The following PTPRM variants were observed in gnomAD, a reference collection of about 807,000 sequenced individuals.
The protein encoded by PTPRM is protein tyrosine phosphatase receptor type M.
Under a neutral mutation model 186.7 loss-of-function variants are expected in PTPRM, and 47 were observed. That is an observed-to-expected ratio of 0.25 (90% CI 0.20 to 0.32). The LOEUF (loss-of-function observed/expected upper bound fraction) is 0.32, where lower values mean the gene tolerates loss of function less well. PTPRM is among the 10% of genes least tolerant of loss of function. The probability of loss-of-function intolerance (pLI) is 1.00; values close to 1 mark genes in which losing one functional copy is unlikely to be tolerated. For synonymous variants in PTPRM, 668 were observed against 674.9 expected, an observed-to-expected ratio of 0.99 and a Z score of 0.16; for missense variants, 1,494 against 1,865.0, an observed-to-expected ratio of 0.80 and a Z score of 3.66.
At chr18:7,973,279 T>C (rs1305665940) in intron 7 of PTPRM, among the ~76,000 whole-genome samples, 2 of 152,196 alleles carry the variant, frequency 1.3e-5, no homozygotes, top group Admixed American at 6.5e-5. Context: ...GCCAAAGATA[T>C]ATGCATTTAA....
At chr18:7,746,025 T>A (rs575189202) in intron 1 of PTPRM, among the ~76,000 whole-genome samples, 8 of 151,906 alleles carry the variant, frequency 5.3e-5, no homozygotes, top group African/African-American at 1.9e-4. Context: ...TAACCTAATA[T>A]GGAAATGGAG....
chr18:8,289,473 C>CATTTATGTATATATATACAT (rs2095001282), intron 19 of PTPRM, among the ~76,000 whole-genome samples: 1 of 112,610 alleles, frequency 8.9e-6, no homozygotes, highest in African/African-American at 4.0e-5. Context: ...TATATACACA[C>CATTTATGTATATATATACAT]ATATGTATAT....
chr18:8,294,929 C>T (rs1175544904), intron 19 of PTPRM, among the ~76,000 whole-genome samples: 1 of 152,204 alleles, frequency 6.6e-6, no homozygotes, highest in Non-Finnish European at 1.5e-5. Context: ...GGGTCTTCTC[C>T]AGCCAGTCTC....
intron 13 of PTPRM, among the ~76,000 whole-genome samples, chr18:8,135,218 G>C (rs987181356): frequency 6.6e-6 from 1 of 152,076 alleles, no homozygotes; most frequent in Non-Finnish European, 1.5e-5. Flanking sequence ...ATTCCACCAC[G>C]TTTGCCTCTT....
chr18:7,955,289 C>T lies in PTPRM; in HGVS notation c.1007C>T (p.Thr336Met), dbSNP rs150274533. ...SWNDRQPVDS[T>M]SYKIGHLDPD... ...AATGACCGGCAGCCAGTCGATTCCA[C>T]GAGCTATAAAATTGGACACCTTGAC... The change falls in exon 7 of 33, where the codon ACG (threonine) becomes ATG (methionine). Residue 336 changes from threonine (T) to methionine (M), a missense_variant. By Grantham distance (81) the Thr-to-Met change is moderately conservative (BLOSUM62 -1). This residue lies in a region of PTPRM where 91 missense variants were observed against 169.3 expected (regional missense o/e 0.54). Transcript: ENST00000580170. 36 of 1,614,086 alleles carry T rather than the reference C, an allele frequency of 2.2e-5. No homozygotes were observed. The African/African-American group carries it at 4.1e-4, about 19-fold the overall frequency.
intron 23 of PTPRM, among the ~76,000 whole-genome samples, chr18:8,370,291 G>A (rs1475655077): frequency 2.6e-5 from 4 of 152,116 alleles, no homozygotes. Flanking sequence ...CCCCTTGCAT[G>A]CAAAATTCTT....
Position 8,352,833 on chromosome 18 carries a change from G to A in PTPRM, c.3054+9313G>A, listed in dbSNP as rs566930650. Among the ~76,000 whole-genome samples the A allele has an allele frequency of 2.6e-5, 4 of 151,914 alleles. No individual in the cohort carries two copies. The South Asian group carries it at 8.4e-4, about 32-fold the overall frequency. The stretch of plus-strand genomic sequence containing the variant: ...TTACAGGCACCCACCACTACGCCTG[G>A]CTAACTTTTTGTATTTTTAATAGAG... On this transcript the variant is annotated intron_variant, in intron 23 of 32. Coordinates refer to ENST00000580170, the MANE Select transcript of PTPRM (RefSeq NM_001105244.2).
intron 14 of PTPRM, among the ~76,000 whole-genome samples, chr18:8,156,589 G>A (rs768392032): frequency 2.0e-5 from 3 of 152,160 alleles, no homozygotes; most frequent in Admixed American, 1.3e-4. Context: ...TAGGTAGTCC[G>A]TGGGAGGGCC....
chr18:7,811,965 A>G (rs1310222004), intron 2 of PTPRM, among the ~76,000 whole-genome samples: 1 of 152,186 alleles, frequency 6.6e-6, no homozygotes, highest in East Asian at 1.9e-4. Context: ...TTTCCAGGAT[A>G]TGTTATTGGA....
At chr18:7,707,672 T>G (rs1320564543) in intron 1 of PTPRM, among the ~76,000 whole-genome samples, 1 of 152,098 alleles carries the variant, frequency 6.6e-6, no homozygotes, top group African/African-American at 2.4e-5. Context: ...AAATATCTAC[T>G]GTCTCATACT....
At chr18:8,352,757 C>T (rs191191419) in intron 23 of PTPRM, among the ~76,000 whole-genome samples, 196 of 151,672 alleles carry the variant, frequency 1.3e-3, no homozygotes, top group African/African-American at 4.4e-3. Context: ...CTGCAACCTC[C>T]GCCTCCTGGG....
intron 7 of PTPRM, among the ~76,000 whole-genome samples, chr18:8,066,009 C>G (rs1258913841): frequency 6.6e-6 from 1 of 152,102 alleles, no homozygotes; most frequent in Non-Finnish European, 1.5e-5. Flanking sequence ...ATGCCTCATT[C>G]ACAGTTAGTA....
intron 19 of PTPRM, among the ~76,000 whole-genome samples, chr18:8,263,556 C>T (rs936498399): frequency 7.9e-5 from 12 of 152,182 alleles, no homozygotes; most frequent in Admixed American, 3.3e-4. Context: ...GCATCTTTTA[C>T]TAAAATCTAA....
chr18:7,648,960 G>T (rs150681930), intron 1 of PTPRM, among the ~76,000 whole-genome samples: 99 of 152,312 alleles, frequency 6.5e-4, no homozygotes, highest in African/African-American at 2.3e-3. Flanking sequence ...TCTTTCATAA[G>T]TTGAGAGGAG....
intron 3 of PTPRM, among the ~76,000 whole-genome samples, chr18:7,893,012 A>G (rs536078345): frequency 6.6e-6 from 1 of 152,342 alleles, no homozygotes; most frequent in East Asian, 1.9e-4. Flanking sequence ...TTCAGTTCAT[A>G]GCACTGATAG....
intron 2 of PTPRM, among the ~76,000 whole-genome samples, chr18:7,831,104 G>A (rs1261056762): frequency 6.6e-6 from 1 of 151,972 alleles, no homozygotes; most frequent in East Asian, 1.9e-4. Flanking sequence ...GAAAGTTTTG[G>A]GCAATCACAG....
In PTPRM at chr18:8,019,603, T is replaced by C. The variant is rs1019629106; in HGVS notation, c.1133-50083T>C. 8.9e-4 allele frequency among the ~76,000 whole-genome samples: 135 copies of C among 151,882 alleles called. 2 individuals carry two copies. The highest frequency in any genetic ancestry group is 8.9e-3 in the Admixed American group (135 of 15,244). ...CTACTTCTTTTCTTTTCTTTTCTTT[T>C]TTTAATGTAAACCCTTCAATTATAT... On this transcript the variant is annotated intron_variant, in intron 7 of 32. Transcript: ENST00000580170.
At chr18:8,042,605 A>G (rs1048641776) in intron 7 of PTPRM, among the ~76,000 whole-genome samples, 1 of 151,842 alleles carries the variant, frequency 6.6e-6, no homozygotes, top group South Asian at 2.1e-4. Context: ...CAATCACATA[A>G]CCTCTGACTC....
At chr18:8,199,823 C>A (rs562518939) in intron 14 of PTPRM, among the ~76,000 whole-genome samples, 2 of 152,218 alleles carry the variant, frequency 1.3e-5, no homozygotes, top group East Asian at 3.9e-4. Context: ...CCTCCCTTAA[C>A]AAGATTCTCT....
Sources: allele counts gnomAD v4.1 joint callset (sites outside exome capture counted in the v4.1 genomes callset), GRCh38; gene constraint gnomAD v4.1.1; regional missense constraint gnomAD v4.1.1; transcripts MANE v1.5; gene names NCBI Gene and HGNC (gene_info 2026-07-23, HGNC 2026-07-21).